Variants in KIAA0319L observed in about 807,000 individuals in gnomAD.
KIAA0319L encodes KIAA0319 like, also known as dyslexia-associated protein KIAA0319-like protein.
Under a neutral mutation model 120.1 loss-of-function variants are expected in KIAA0319L, and 55 were observed. That is an observed-to-expected ratio of 0.46 (90% confidence interval 0.37 to 0.57). The LOEUF (loss-of-function observed/expected upper bound fraction) is 0.57. Ranked by LOEUF, KIAA0319L falls within the 20% of genes least tolerant of loss-of-function variation. KIAA0319L has a pLI of 0.00. For synonymous variants in KIAA0319L, 398 were observed against 471.9 expected, an observed-to-expected ratio of 0.84 and a Z score of 2.03; for missense variants, 1,049 against 1,255.3, an observed-to-expected ratio of 0.84 and a Z score of 2.48.
intron 2 of KIAA0319L, among the ~76,000 whole-genome samples, chr1:35,507,838 T>C (rs1261635180): frequency 6.6e-6 from 1 of 152,162 alleles, no homozygotes; most frequent in East Asian, 1.9e-4. Flanking sequence ...TGATAAGAAA[T>C]AATGGAACCT....
chr1:35,456,167 T>TA lies in KIAA0319L; in HGVS notation c.1501dup (p.Tyr501LeufsTer29). Reference sequence around the variant, plus strand: ...GGGGCCTGCGTTGGCCACAGGGGGGTAATCCACAGCTTTGTTCACTGTCAG... The same window carrying TA: ...GGGGCCTGCGTTGGCCACAGGGGGGTAAATCCACAGCTTTGTTCACTGTCAG... On this transcript the variant is annotated frameshift_variant, in exon 10 of 21. Transcript: ENST00000325722. LOFTEE classifies it high-confidence loss of function. 8 of 1,613,310 alleles carry TA rather than the reference T, an allele frequency of 5.0e-6. No individual in the cohort carries two copies. Among genetic ancestry groups the TA allele is most frequent in the Non-Finnish European group, 6.8e-6 (8 of 1,179,646 alleles).
chr1:35,526,780 T>C (rs983241522), intron 2 of KIAA0319L, among the ~76,000 whole-genome samples: 2 of 152,092 alleles, frequency 1.3e-5, no homozygotes, highest in Non-Finnish European at 1.5e-5. Flanking sequence ...ATAAAAATTT[T>C]AGAGGTGGGG....
chr1:35,435,104 A>G (rs748723214), intron 20 of KIAA0319L, 23 bp from the exon 21 acceptor site: 1 of 1,608,122 alleles, frequency 6.2e-7, no homozygotes. Context: ...CAAGGAATCC[A>G]GCATCAGGAG....
chr1:35,506,709 C>T lies in KIAA0319L; in HGVS notation c.569G>A (p.Gly190Asp). The T allele has an allele frequency of 6.2e-7, 1 of 1,614,182 alleles. No homozygotes were observed. The change falls in exon 3 of 21, where the codon GGT (glycine) becomes GAT (aspartate). Residue 190 changes from glycine to aspartate, a missense_variant. Physicochemically the swap from Gly to Asp is moderately conservative, Grantham distance 94. Transcript: ENST00000325722. The surrounding 1 kb of genome is among the most constrained non-coding windows in gnomAD (Gnocchi z 4.0). Reference sequence around the variant, plus strand: ...AGGTGTAACTACGTCACTGGGACTACCTCTCTTCTGAAGCTTCCTGATTAA... The same window carrying T: ...AGGTGTAACTACGTCACTGGGACTATCTCTCTTCTGAAGCTTCCTGATTAA... ...QSLIRKLQKR[G>D]SPSDVVTPIV...
chr1:35,454,729 A>G (rs950532653), intron 10 of KIAA0319L: 2 of 914,526 alleles, frequency 2.2e-6, no homozygotes, highest in Non-Finnish European at 3.0e-6. Flanking sequence ...TAAAGCCAGA[A>G]CTCTCATAAG....
chr1:35,447,824 C>T (rs1286203220), intron 16 of KIAA0319L, among the ~76,000 whole-genome samples: 1 of 152,090 alleles, frequency 6.6e-6, no homozygotes, highest in Non-Finnish European at 1.5e-5. Context: ...TGGATTACTC[C>T]TACCCCAACT....
At chr1:35,489,118 T>G (rs1481605954) in intron 3 of KIAA0319L, among the ~76,000 whole-genome samples, 3 of 152,060 alleles carry the variant, frequency 2.0e-5, no homozygotes, top group Non-Finnish European at 4.4e-5. Flanking sequence ...GGGTCCAAAC[T>G]TGGGAAGTAA....
intron 2 of KIAA0319L, among the ~76,000 whole-genome samples, chr1:35,542,622 C>T (rs1646835500): frequency 6.6e-6 from 1 of 152,152 alleles, no homozygotes; most frequent in Non-Finnish European, 1.5e-5. Flanking sequence ...CACTACTGTT[C>T]ATCTGAAAAT....
chr1:35,538,832 A>G (rs987721488), intron 2 of KIAA0319L, among the ~76,000 whole-genome samples: 1 of 150,934 alleles, frequency 6.6e-6, no homozygotes, highest in African/African-American at 2.4e-5. Flanking sequence ...TTTTTCTTAT[A>G]CCTCCATTTT....
At chr1:35,474,412 C>G (rs1643824774) in intron 5 of KIAA0319L, among the ~76,000 whole-genome samples, 2 of 152,134 alleles carry the variant, frequency 1.3e-5, no homozygotes, top group African/African-American at 4.8e-5. Flanking sequence ...TAGTGCCTAG[C>G]ATATAGCTGA....
At chr1:35,442,823 C>T in intron 18 of KIAA0319L, 83 bp downstream of exon 18, 2 of 1,550,224 alleles carry the variant, frequency 1.3e-6, no homozygotes, top group Non-Finnish European at 1.8e-6. Flanking sequence ...TCATCTGCTT[C>T]AGAAACACCA....
chr1:35,519,666 T>C (rs1281622435), intron 2 of KIAA0319L, among the ~76,000 whole-genome samples: 1 of 152,204 alleles, frequency 6.6e-6, no homozygotes, highest in Non-Finnish European at 1.5e-5. Context: ...GACCAGGATC[T>C]ATGTGCTCAA....
intron 16 of KIAA0319L, among the ~76,000 whole-genome samples, chr1:35,447,590 T>C (rs898855403): frequency 6.7e-5 from 10 of 149,746 alleles, no homozygotes; most frequent in Non-Finnish European, 1.3e-4. Flanking sequence ...TTTTTTTTTC[T>C]TGAGACAGTC....
chr1:35,497,604 G>A (rs1413244171), intron 3 of KIAA0319L, among the ~76,000 whole-genome samples: 1 of 152,124 alleles, frequency 6.6e-6, no homozygotes, highest in Non-Finnish European at 1.5e-5. Context: ...AACATGTACA[G>A]TTTATGATAT....
chr1:35,507,972 A>G (rs1382568160), intron 2 of KIAA0319L, among the ~76,000 whole-genome samples: 1 of 152,224 alleles, frequency 6.6e-6, no homozygotes, highest in Non-Finnish European at 1.5e-5. Flanking sequence ...TTTTTCTGAA[A>G]TAGTATCTCA....
intron 20 of KIAA0319L, chr1:35,438,746 C>G (rs1296674995): frequency 6.6e-6 from 1 of 152,066 alleles, no homozygotes; most frequent in Non-Finnish European, 1.5e-5. Context: ...AATCCCAGCA[C>G]TTTAGGAGAC....
chr1:35,553,311 G>A (rs1453568352), intron 2 of KIAA0319L, among the ~76,000 whole-genome samples: 3 of 150,348 alleles, frequency 2.0e-5, no homozygotes, highest in Admixed American at 6.6e-5. Context: ...ATAAAATGTT[G>A]ACCTGAAATA....
rs80016416 is a variant in KIAA0319L at position 35,507,439 on chromosome 1, C to T, written c.143-304G>A. 2.0e-4 allele frequency among the ~76,000 whole-genome samples: 31 copies of T among 151,936 alleles called. No individual in the cohort carries two copies. In the East Asian group the frequency reaches 5.0e-3, roughly 25 times the overall value. ...AGGAAAACAAAAACAAAAACAAAAACAAAAAAAGAGGTATTCTGGTGGAAG... is the reference window on the plus strand; with the variant it reads ...AGGAAAACAAAAACAAAAACAAAAATAAAAAAAGAGGTATTCTGGTGGAAG... On this transcript the variant is annotated intron_variant, in intron 2 of 20. Coordinates refer to ENST00000325722, the MANE Select transcript of KIAA0319L (RefSeq NM_024874.5).
At position 35,453,550 on chromosome 1, in the gene KIAA0319L, TACTC is replaced by T. The variant is rs1642214158; in HGVS notation, c.1913+3_1913+6del. The T allele has an allele frequency of 6.2e-7, 1 of 1,613,734 alleles. No individual in the cohort carries two copies. The highest frequency in any genetic ancestry group is 8.5e-7 in the Non-Finnish European group (1 of 1,179,886). ...TGCAAAAATAAGGATTTTGTGTCAA[TACTC>T]ACTGTGTTTTTTCCCAGAGATATGA... On this transcript the variant is annotated splice_donor_5th_base_variant and intron_variant, in intron 12 of 20. Transcript: ENST00000325722. The surrounding 1 kb of genome is among the most constrained non-coding windows in gnomAD (Gnocchi z 4.1).
Sources: allele counts gnomAD v4.1 joint callset (sites outside exome capture counted in the v4.1 genomes callset), GRCh38; gene constraint gnomAD v4.1.1; non-coding constraint Gnocchi (gnomAD v3.1); transcripts MANE v1.5; gene names NCBI Gene and HGNC (gene_info 2026-07-23, HGNC 2026-07-21).